The following SFI1 variants were observed in gnomAD, a reference collection of about 807,000 sequenced individuals.
The protein encoded by SFI1 is SFI1 centrin binding protein.
A neutral mutation model predicts 207.5 loss-of-function variants in SFI1; 195 were observed. The ratio of observed to expected loss-of-function variants is 0.94; its 90% CI spans 0.84 to 1.06. SFI1 has a LOEUF of 1.06. Among genes scored for constraint, SFI1 ranks in the 50% least tolerant of loss-of-function variants. The pLI, the probability that SFI1 is intolerant of heterozygous loss-of-function variation, is 0.00. For synonymous variants in SFI1, 630 were observed against 598.9 expected (o/e 1.05, Z -0.76); for missense variants, 1,634 against 1,588.0 (o/e 1.03, Z -0.49).
intron 20 of SFI1, chr22:31,606,087 G>A: frequency 2.0e-6 from 1 of 497,172 alleles, no homozygotes. Flanking sequence ...AGCACCTGGA[G>A]TTTGGTCTCC....
intron 1 of SFI1, among the ~76,000 whole-genome samples, chr22:31,500,173 G>A (rs1025330632): frequency 8.0e-5 from 12 of 149,528 alleles, no homozygotes; most frequent in African/African-American, 3.0e-4. Flanking sequence ...ATAAAAGCCA[G>A]TTGTGGTGGC....
rs375178313 is a variant in SFI1 at position 31,585,414 on chromosome 22, T to C, written c.1413+280T>C. On this transcript the variant is annotated intron_variant, in intron 14 of 32. Transcript: ENST00000400288. ...CATCTTTACTCAAATTCATTTAGTCTCTGAGTTAGCCAGCCCTTCACCCAG... is the reference window on the plus strand; with the variant it reads ...CATCTTTACTCAAATTCATTTAGTCCCTGAGTTAGCCAGCCCTTCACCCAG... Among the ~76,000 whole-genome samples the C allele has an allele frequency of 2.6e-5, 4 of 152,302 alleles. No individual in the cohort carries two copies. In the East Asian group the frequency reaches 7.7e-4, roughly 29 times the overall value.
In SFI1 at chr22:31,614,766, A is replaced by G. The variant is rs767114209; in HGVS notation, c.2997-23A>G. 6.2e-6 allele frequency: 10 copies of G among 1,613,158 alleles called. No homozygotes were observed. The Admixed American group carries it at 1.7e-4, about 27-fold the overall frequency. On this transcript the variant is annotated intron_variant, in intron 27 of 32. Coordinates refer to ENST00000400288, the MANE Select transcript of SFI1 (RefSeq NM_001007467.3). ...TGCAGCCCCTGGTCAGCCCAGGGGA[A>G]CAGACCCCATGTTTCTTTCCAGCAA... is the stretch of plus-strand genomic sequence containing the variant.
chr22:31,498,860 CT>C (rs60377913), intron 1 of SFI1, among the ~76,000 whole-genome samples: 110 of 134,816 alleles, frequency 8.2e-4, no homozygotes, highest in Admixed American at 1.4e-3. Flanking sequence ...TTCTTTTTTT[CT>C]TTTTTTTTTT....
chr22:31,602,274 A>G lies in SFI1; in HGVS notation c.1607A>G (p.Asn536Ser). ...WRQKMFQHRE[N>S]RLAERMAILH... ...CAGAAGATGTTTCAGCATCGAGAAA[A>G]CCGCCTGGCAGAGAGAATGGTAAAT... Residue 536 changes from asparagine (N) to serine (S), a missense_variant, in exon 16 of 33, where the codon AAC (asparagine) becomes AGC (serine). By Grantham distance (46) the Asn-to-Ser change is conservative. Transcript: ENST00000400288. The G allele has an allele frequency of 6.2e-7, 1 of 1,613,980 alleles. No individual in the cohort carries two copies. The highest frequency in any genetic ancestry group is 1.1e-5 in the South Asian group (1 of 91,064).
intron 21 of SFI1, among the ~76,000 whole-genome samples, chr22:31,607,264 C>T (rs1030900789): frequency 4.6e-5 from 7 of 152,068 alleles, no homozygotes; most frequent in Admixed American, 1.3e-4. Flanking sequence ...GTAGGCATCA[C>T]TCATACAAAA....
chr22:31,583,333 A>G (rs2064601743), intron 12 of SFI1, among the ~76,000 whole-genome samples: 1 of 152,154 alleles, frequency 6.6e-6, no homozygotes, highest in African/African-American at 2.4e-5. Context: ...GGCTGGTCTC[A>G]AACTCCCAAG....
At chr22:31,599,025 C>T (rs1422728524) in intron 15 of SFI1, among the ~76,000 whole-genome samples, 1 of 150,928 alleles carries the variant, frequency 6.6e-6, no homozygotes, top group Non-Finnish European at 1.5e-5. Flanking sequence ...AACTCCTAAG[C>T]TTGTGATCCG....
chr22:31,604,818 AG>A, intron 19 of SFI1, 50 bp from the exon 20 acceptor site: 3 of 1,547,956 alleles, frequency 1.9e-6, no homozygotes, highest in South Asian at 1.2e-5. Flanking sequence ...CTGCCTAAAC[AG>A]GGGGAAGTGT....
At chr22:31,563,541 A>G (rs1273647718) in intron 8 of SFI1, among the ~76,000 whole-genome samples, 1 of 152,020 alleles carries the variant, frequency 6.6e-6, no homozygotes, top group African/African-American at 2.4e-5. Context: ...TACTGATGCT[A>G]CTGTTGCTCA....
At chr22:31,585,555 TAAGTA>T (rs984097613) in intron 14 of SFI1, among the ~76,000 whole-genome samples, 4 of 152,124 alleles carry the variant, frequency 2.6e-5, no homozygotes, top group African/African-American at 7.2e-5. Context: ...GGACCACAAA[TAAGTA>T]AAGGCAGATT....
chr22:31,613,031 G>T, intron 24 of SFI1, 111 bp from the exon 25 acceptor site: 2 of 1,131,714 alleles, frequency 1.8e-6, no homozygotes, highest in Non-Finnish European at 2.5e-6. Flanking sequence ...GGAGGAAGTG[G>T]GAGCCTCGAC....
intron 3 of SFI1, 53 bp from the exon 4 acceptor site, chr22:31,531,005 T>C (rs377107159): frequency 3.3e-6 from 5 of 1,501,592 alleles, no homozygotes; most frequent in Non-Finnish European, 2.8e-6. Context: ...AAACTGCTGA[T>C]GTAAGCCAAA....
At chr22:31,561,544 G>C (rs982434632) in intron 8 of SFI1, 152 bp downstream of exon 8, 1 of 640,158 alleles carries the variant, frequency 1.6e-6, no homozygotes. Flanking sequence ...TCCAGAGGGA[G>C]GCTGCTGTTA....
intron 31 of SFI1, 54 bp from the exon 32 acceptor site, chr22:31,618,061 T>C: frequency 1.3e-6 from 2 of 1,524,536 alleles, no homozygotes; most frequent in Non-Finnish European, 1.8e-6. Flanking sequence ...CTGAGCCGGA[T>C]GGGGCTCTGC....
intron 2 of SFI1, among the ~76,000 whole-genome samples, chr22:31,512,428 T>G (rs1295887985): frequency 6.6e-6 from 1 of 151,002 alleles, no homozygotes; most frequent in African/African-American, 2.4e-5. Flanking sequence ...TTGGACTGTT[T>G]TCAGTTTTTA....
At chr22:31,541,533 A>G (rs984023539) in intron 4 of SFI1, among the ~76,000 whole-genome samples, 6 of 149,346 alleles carry the variant, frequency 4.0e-5, no homozygotes. Flanking sequence ...GTGGAAGTGG[A>G]TCACAAGGTC....
At chr22:31,554,885 CTTG>C (rs1179164866) in intron 6 of SFI1, among the ~76,000 whole-genome samples, 1 of 152,008 alleles carries the variant, frequency 6.6e-6, no homozygotes, top group Non-Finnish European at 1.5e-5. Flanking sequence ...TCAGTAAAAA[CTTG>C]TTTTCTGATT....
intron 5 of SFI1, among the ~76,000 whole-genome samples, chr22:31,548,961 G>GT (rs2147960131): frequency 6.6e-6 from 1 of 152,124 alleles, no homozygotes; most frequent in Admixed American, 6.6e-5. Context: ...GAGAAGTGAT[G>GT]TTTTTTACAG....
Sources: allele counts gnomAD v4.1 joint callset (sites outside exome capture counted in the v4.1 genomes callset), GRCh38; gene constraint gnomAD v4.1.1; transcripts MANE v1.5; gene names NCBI Gene and HGNC (gene_info 2026-07-23, HGNC 2026-07-21).